PPP1R9A: variants seen among roughly 807,000 people sequenced by gnomAD.
The protein encoded by PPP1R9A is protein phosphatase 1 regulatory subunit 9A, also known as neurabin-1.
Under a neutral mutation model 141.9 loss-of-function variants are expected in PPP1R9A, and 59 were observed. The observed-to-expected ratio is 0.42, with a 90% CI of 0.34 to 0.52. The LOEUF (loss-of-function observed/expected upper bound fraction) is 0.52, where lower values mean the gene tolerates loss of function less well. Ranked by LOEUF, PPP1R9A falls within the 20% of genes least tolerant of loss-of-function variation. The probability of loss-of-function intolerance (pLI) is 0.10; values close to 1 mark genes in which losing one functional copy is unlikely to be tolerated. For missense variants in PPP1R9A, 1,444 were observed against 1,611.9 expected (o/e 0.90, Z 1.78); for synonymous variants, 500 against 569.7 (o/e 0.88, Z 1.74).
At chr7:95,036,272 G>A (rs995684535) in intron 2 of PPP1R9A, 7 of 152,158 alleles carry the variant, frequency 4.6e-5, no homozygotes, top group Admixed American at 1.3e-4. Context: ...TGAAACTTTA[G>A]TATTAGTTCC....
At chr7:95,128,255 T>C (rs1026807832) in intron 4 of PPP1R9A, among the ~76,000 whole-genome samples, 1 of 152,234 alleles carries the variant, frequency 6.6e-6, no homozygotes, top group Non-Finnish European at 1.5e-5. Context: ...TGCATTTCCC[T>C]GGTGATTAGT....
chr7:94,926,185 C>T (rs1335462681), intron 2 of PPP1R9A, among the ~76,000 whole-genome samples: 1 of 152,128 alleles, frequency 6.6e-6, no homozygotes, highest in East Asian at 1.9e-4. Context: ...TTCAGGTTAG[C>T]AGTTACAAAT....
At chr7:95,202,982 G>C (rs1461833009) in intron 6 of PPP1R9A, among the ~76,000 whole-genome samples, 1 of 151,984 alleles carries the variant, frequency 6.6e-6, no homozygotes, top group Non-Finnish European at 1.5e-5. Context: ...ACATTGTAAA[G>C]TCTTAGCTAT....
chr7:95,293,328 G>A lies in PPP1R9A; in HGVS notation c.*3025G>A, dbSNP rs1173480624. Reference sequence around the variant, plus strand: ...CTGAATCAGGAATTTTCTGCAGAATGTTAAGTTAGGGAAGAAACCTCATTT... The same window carrying A: ...CTGAATCAGGAATTTTCTGCAGAATATTAAGTTAGGGAAGAAACCTCATTT... On this transcript the variant is annotated 3_prime_UTR_variant, in exon 20 of 20. Transcript: ENST00000433360. 6.6e-6 allele frequency: 1 copy of A among 152,126 alleles called. No homozygotes were observed. The highest frequency in any genetic ancestry group is 1.9e-4 in the East Asian group (1 of 5,192). The allele number at this position is 152,126 out of a possible 1,614,324, so 9.4% of individuals were successfully genotyped here. A position where few individuals can be genotyped will look rare whatever the true frequency, so the allele number is the denominator to read the frequency against.
intron 2 of PPP1R9A, among the ~76,000 whole-genome samples, chr7:94,977,016 G>A (rs1799528255): frequency 6.6e-6 from 1 of 152,118 alleles, no homozygotes; most frequent in African/African-American, 2.4e-5. Flanking sequence ...GTATATGAGA[G>A]TAAAGGATAT....
chr7:95,226,092 C>A lies in PPP1R9A; in HGVS notation c.2088C>A (p.Ser696Arg). The A allele has an allele frequency of 1.2e-6, 2 of 1,613,058 alleles. No homozygotes were observed. Among genetic ancestry groups the A allele is most frequent in the Non-Finnish European group, 1.7e-6 (2 of 1,179,256 alleles). ...DMFSPSELDT[S>R]KLSHKFKELQ... The stretch of plus-strand genomic sequence containing the variant: ...TTTCCCCATCAGAACTGGACACAAG[C>A]AAGCTCAGTCACAAGTTCAAAGAGG... Residue 696 changes from serine (S) to arginine (R), a missense_variant, in exon 8 of 20, where the codon AGC becomes AGA. By Grantham distance (110) the Ser-to-Arg change is moderately radical (BLOSUM62 -1). Transcript: ENST00000433360.
intron 2 of PPP1R9A, among the ~76,000 whole-genome samples, chr7:94,984,237 A>G (rs1800507752): frequency 6.6e-6 from 1 of 152,080 alleles, no homozygotes; most frequent in South Asian, 2.1e-4. Flanking sequence ...GTTTGCCAAT[A>G]TTTTATTGAG....
intron 2 of PPP1R9A, among the ~76,000 whole-genome samples, chr7:95,060,379 A>C (rs1410123458): frequency 5.3e-5 from 8 of 152,132 alleles, no homozygotes; most frequent in African/African-American, 1.9e-4. Flanking sequence ...AACTTTATGG[A>C]ACCAGGGATT....
intron 2 of PPP1R9A, among the ~76,000 whole-genome samples, chr7:95,034,684 G>A (rs1161136574): frequency 6.6e-6 from 1 of 151,912 alleles, no homozygotes; most frequent in Admixed American, 6.6e-5. Flanking sequence ...AAAAGTTTAT[G>A]GTATTTGAGT....
chr7:95,103,362 C>CTT (rs897838647), intron 2 of PPP1R9A, among the ~76,000 whole-genome samples: 2,573 of 88,758 alleles, frequency 0.029, 425 homozygotes, highest in African/African-American at 0.11. Context: ...TTTTTCACTT[C>CTT]TTTTTTTTTT....
intron 7 of PPP1R9A, among the ~76,000 whole-genome samples, chr7:95,219,808 A>T (rs889560620): frequency 1.3e-5 from 2 of 152,110 alleles, no homozygotes; most frequent in Non-Finnish European, 2.9e-5. Context: ...ATACAAACTA[A>T]ATGACTTACT....
At chr7:95,203,603 A>G in intron 6 of PPP1R9A, 62 bp from the exon 7 acceptor site, 1 of 1,258,922 alleles carries the variant, frequency 7.9e-7, no homozygotes, top group South Asian at 1.3e-5. Context: ...TCAATCCTTT[A>G]TCAGGCTGCT....
chr7:95,189,144 G>A (rs940620076), intron 5 of PPP1R9A, among the ~76,000 whole-genome samples: 1 of 152,152 alleles, frequency 6.6e-6, no homozygotes, highest in Non-Finnish European at 1.5e-5. Flanking sequence ...GGTTTCTGCT[G>A]AGAAATCTGC....
chr7:95,015,475 T>A (rs1193612277), intron 2 of PPP1R9A, among the ~76,000 whole-genome samples: 2 of 152,108 alleles, frequency 1.3e-5, no homozygotes, highest in African/African-American at 4.8e-5. Context: ...AATAATAGAA[T>A]GGATGTAACA....
intron 4 of PPP1R9A, among the ~76,000 whole-genome samples, chr7:95,142,821 G>A (rs948116705): frequency 2.6e-5 from 4 of 151,988 alleles, no homozygotes; most frequent in Non-Finnish European, 5.9e-5. Context: ...AGTTTGTTGG[G>A]TGATACATGT....
chr7:95,255,541 G>T (rs1387101905), intron 12 of PPP1R9A, among the ~76,000 whole-genome samples: 2 of 152,074 alleles, frequency 1.3e-5, no homozygotes, highest in East Asian at 3.9e-4. Context: ...GGCCTTAGGT[G>T]GTACACTGAC....
rs1282442600 is a variant in PPP1R9A, at chr7:95,207,398, T to C, written c.1956+3668T>C. Among the ~76,000 whole-genome samples the C allele has an allele frequency of 1.4e-4, 22 of 152,232 alleles. No individual in the cohort carries two copies. The East Asian group carries it at 3.9e-3, about 27-fold the overall frequency. On this transcript the variant is annotated intron_variant, in intron 7 of 19. Transcript: ENST00000433360. The stretch of plus-strand genomic sequence containing the variant: ...GCAGTAAAACTTTGACAGTGTGAGA[T>C]GTATGAAGTAATAAAACATAACTTT...
chr7:94,985,330 C>G (rs1800678991), intron 2 of PPP1R9A, among the ~76,000 whole-genome samples: 1 of 152,160 alleles, frequency 6.6e-6, no homozygotes, highest in African/African-American at 2.4e-5. Flanking sequence ...CTGTAGATGT[C>G]TATTAGGTCT....
intron 4 of PPP1R9A, among the ~76,000 whole-genome samples, chr7:95,147,998 A>G (rs767979563): frequency 2.3e-4 from 35 of 152,126 alleles, no homozygotes; most frequent in Non-Finnish European, 4.6e-4. Context: ...AAATATTTTG[A>G]CCTCATTGAA....
Sources: allele counts gnomAD v4.1 joint callset (sites outside exome capture counted in the v4.1 genomes callset), GRCh38; gene constraint gnomAD v4.1.1; transcripts MANE v1.5; gene names NCBI Gene and HGNC (gene_info 2026-07-23, HGNC 2026-07-21).